Variants in SLC8A1 observed in about 807,000 individuals in gnomAD.
SLC8A1 encodes solute carrier family 8 member A1, also known as sodium/calcium exchanger 1.
A neutral mutation model predicts 68.3 loss-of-function variants in SLC8A1; 18 were observed. The observed-to-expected ratio is 0.26, with a 90% CI of 0.18 to 0.39. SLC8A1 has a LOEUF of 0.39. SLC8A1 is among the 10% of genes least tolerant of loss of function. The probability of loss-of-function intolerance (pLI) is 1.00; values close to 1 mark genes in which losing one functional copy is unlikely to be tolerated. For synonymous variants in SLC8A1, 475 were observed against 415.5 expected (o/e 1.14, Z -1.74); for missense variants, 985 against 1,156.7 (o/e 0.85, Z 2.15).
chr2:40,341,830 G>A (rs2149410302), intron 2 of SLC8A1, among the ~76,000 whole-genome samples: 1 of 152,248 alleles, frequency 6.6e-6, no homozygotes, highest in African/African-American at 2.4e-5. Context: ...AAATTCCATT[G>A]CATGGACCAT....
intron 2 of SLC8A1, among the ~76,000 whole-genome samples, chr2:40,249,729 C>A (rs924711484): frequency 1.5e-4 from 23 of 151,984 alleles, no homozygotes; most frequent in Non-Finnish European, 8.8e-5. Flanking sequence ...TAAAAATTGC[C>A]AACGAATCAC....
intron 1 of SLC8A1, among the ~76,000 whole-genome samples, chr2:40,461,967 G>A (rs1199503601): frequency 7.2e-6 from 1 of 139,582 alleles, no homozygotes; most frequent in Non-Finnish European, 1.5e-5. Context: ...TAGATTTTTC[G>A]ATGTTTATCC....
chr2:40,284,478 T>C (rs562966450), intron 2 of SLC8A1, among the ~76,000 whole-genome samples: 136 of 146,628 alleles, frequency 9.3e-4, no homozygotes, highest in Non-Finnish European at 1.5e-3. Context: ...TCTATAGATA[T>C]GTATGTATAC....
intron 2 of SLC8A1, among the ~76,000 whole-genome samples, chr2:40,322,068 T>A (rs889864590): frequency 6.6e-6 from 1 of 152,116 alleles, no homozygotes; most frequent in Non-Finnish European, 1.5e-5. Context: ...AGTTCACATA[T>A]TTTTAGCAGT....
intron 7 of SLC8A1, among the ~76,000 whole-genome samples, chr2:40,122,413 G>A (rs987950402): frequency 6.6e-6 from 1 of 152,154 alleles, no homozygotes; most frequent in Non-Finnish European, 1.5e-5. Flanking sequence ...TCCCTGAAGA[G>A]GGTAAAGAAG....
Position 40,442,144 on chromosome 2 carries a change from A to G in SLC8A1, c.-25+9760T>C, listed in dbSNP as rs574722615. On this transcript the variant is annotated intron_variant, in intron 1 of 7. Transcript: ENST00000406785. ...CAGCACACCAGCATGGCACATGTAT[A>G]CATATGTAACTAACCTGCACATTGT... Among the ~76,000 whole-genome samples the G allele has an allele frequency of 4.0e-3, 611 of 151,744 alleles. 2 individuals are homozygous for G. The highest frequency in any genetic ancestry group is 0.014 in the African/African-American group (584 of 41,362).
At chr2:40,458,347 C>T (rs1400585170) in intron 1 of SLC8A1, among the ~76,000 whole-genome samples, 4 of 152,018 alleles carry the variant, frequency 2.6e-5, no homozygotes, top group Admixed American at 2.6e-4. Context: ...AAAGTCCAGT[C>T]CATTACTATG....
rs1014195181 is a variant in SLC8A1 at position 40,396,357 on chromosome 2, G to A, written c.1808+32116C>T. Among the ~76,000 whole-genome samples the A allele has an allele frequency of 3.3e-5, 5 of 151,986 alleles. No individual in the cohort carries two copies. The South Asian group carries it at 6.2e-4, about 19-fold the overall frequency. ...CAACTACTCAACCATGAATCTCTACGGTTACATGAATCTATGAATGGTCTG... is the reference window on the plus strand; with the variant it reads ...CAACTACTCAACCATGAATCTCTACAGTTACATGAATCTATGAATGGTCTG... On this transcript the variant is annotated intron_variant, in intron 2 of 7. Transcript: ENST00000406785.
intron 2 of SLC8A1, among the ~76,000 whole-genome samples, chr2:40,371,846 AG>A: frequency 6.6e-6 from 1 of 152,112 alleles, no homozygotes; most frequent in East Asian, 1.9e-4. Context: ...CTGTGGCAGC[AG>A]CCCTGCAGCC....
chr2:40,182,013 A>C (rs547294945), intron 2 of SLC8A1, among the ~76,000 whole-genome samples: 25 of 152,276 alleles, frequency 1.6e-4, no homozygotes, highest in African/African-American at 6.0e-4. Flanking sequence ...CGGAACCTTG[A>C]ATGTCCTCCA....
At chr2:40,499,437 G>C (rs1705912128) in intron 1 of SLC8A1, among the ~76,000 whole-genome samples, 3 of 152,214 alleles carry the variant, frequency 2.0e-5, no homozygotes, top group African/African-American at 7.2e-5. Context: ...CTGGCACATA[G>C]GAATTGCTTT....
At chr2:40,169,573 G>A (rs1254454561) in intron 4 of SLC8A1, among the ~76,000 whole-genome samples, 1 of 152,148 alleles carries the variant, frequency 6.6e-6, no homozygotes, top group African/African-American at 2.4e-5. Flanking sequence ...TATCATCTGG[G>A]CATATCTGGC....
intron 2 of SLC8A1, among the ~76,000 whole-genome samples, chr2:40,328,370 C>G (rs75849386): frequency 6.6e-6 from 1 of 152,058 alleles, no homozygotes; most frequent in African/African-American, 2.4e-5. Flanking sequence ...GGAGGTTTAT[C>G]TCCTCTGCCT....
intron 2 of SLC8A1, among the ~76,000 whole-genome samples, chr2:40,212,812 G>A (rs386984): frequency 0.75 from 113,732 of 152,078 alleles, 43,176 homozygotes; most frequent in Middle Eastern, 0.84. Context: ...GTTCCTGTTT[G>A]TGCAACAGTG....
intron 2 of SLC8A1, among the ~76,000 whole-genome samples, chr2:40,310,255 T>C (rs1208133286): frequency 2.6e-5 from 4 of 152,218 alleles, no homozygotes; most frequent in Non-Finnish European, 4.4e-5. Flanking sequence ...TTGGATGCCA[T>C]GGTCACAGGC....
intron 2 of SLC8A1, among the ~76,000 whole-genome samples, chr2:40,286,239 A>C (rs2068288239): frequency 6.6e-6 from 1 of 152,186 alleles, no homozygotes; most frequent in Admixed American, 6.5e-5. Context: ...TCAAGAGAAG[A>C]GGCTTCACTA....
chr2:40,300,818 C>T (rs896312895), intron 2 of SLC8A1, among the ~76,000 whole-genome samples: 4 of 152,042 alleles, frequency 2.6e-5, no homozygotes, highest in South Asian at 4.2e-4. Context: ...TCTTTTTTGG[C>T]AGAATGATCT....
rs114131538 is a variant in SLC8A1 at position 40,334,889 on chromosome 2, G to C, written c.1808+93584C>G. ...CTAAAACTAGTCCCTCAGCCTTTAG[G>C]GGGTGAGGGGGCAGCAGTAGGCTTC... On this transcript the variant is annotated intron_variant, in intron 2 of 7. Transcript: ENST00000406785. Among the ~76,000 whole-genome samples, 1,452 of 152,232 alleles carry C rather than the reference G, an allele frequency of 9.5e-3. 10 individuals carry two copies. Among genetic ancestry groups the C allele is most frequent in the Admixed American group, 0.02 (301 of 15,274 alleles).
At position 40,432,388 on chromosome 2, in the gene SLC8A1, G is replaced by A. The variant is rs185333454; in HGVS notation, c.-24-2084C>T. Among the ~76,000 whole-genome samples, 20 of 112,636 alleles carry A rather than the reference G, an allele frequency of 1.8e-4. 1 individual carries two copies. The East Asian group carries it at 4.6e-3, about 26-fold the overall frequency. The allele number at this position is 112,636 out of a possible 152,430, so 73.9% of individuals were successfully genotyped here. A position where few individuals can be genotyped will look rare whatever the true frequency, so the allele number is the denominator to read the frequency against. ...GTGCAGAACAATCTATAGAGGACAA[G>A]GAGAGTGTGAGATTGTGTGTGTGTG... On this transcript the variant is annotated intron_variant, in intron 1 of 7. Transcript: ENST00000406785.
Sources: gnomAD v4.1 joint callset for allele counts (sites outside exome capture counted in the v4.1 genomes callset) on GRCh38, gnomAD v4.1.1 for gene constraint, MANE v1.5 for transcripts, NCBI Gene and HGNC (gene_info 2026-07-23, HGNC 2026-07-21) for gene names.